Variants in DENND2A observed in about 807,000 individuals in gnomAD.
DENND2A encodes the protein DENN domain containing 2A.
DENND2A carries 53 observed loss-of-function variants against 105.3 expected under a neutral mutation model. The observed-to-expected ratio is 0.50, with a 90% CI of 0.40 to 0.63. The LOEUF (loss-of-function observed/expected upper bound fraction) is 0.63. Among genes scored for constraint, DENND2A ranks in the 30% least tolerant of loss-of-function variants. DENND2A has a pLI of 0.00. For missense variants in DENND2A, 1,138 were observed against 1,279.6 expected (o/e 0.89, Z 1.69); for synonymous variants, 522 against 508.4 (o/e 1.03, Z -0.36).
At chr7:140,535,754 G>A (rs1270069807) in intron 14 of DENND2A, among the ~76,000 whole-genome samples, 3 of 151,824 alleles carry the variant, frequency 2.0e-5, no homozygotes, top group African/African-American at 7.3e-5. Context: ...GCTAATTTTT[G>A]TATTTTTAGT....
At chr7:140,621,124 G>A (rs1800274900) in intron 1 of DENND2A, among the ~76,000 whole-genome samples, 1 of 152,130 alleles carries the variant, frequency 6.6e-6, no homozygotes. Context: ...AACCTCCTAG[G>A]CTCAAGTGAT....
At chr7:140,564,222 T>G (rs668402) in intron 9 of DENND2A, among the ~76,000 whole-genome samples, 79,549 of 150,604 alleles carry the variant, frequency 0.53, 23,825 homozygotes, top group African/African-American at 0.82. Flanking sequence ...GGTGGAGGCT[T>G]CAGTGAGCCA....
At chr7:140,550,522 T>C (rs999950171) in intron 12 of DENND2A, among the ~76,000 whole-genome samples, 2 of 152,196 alleles carry the variant, frequency 1.3e-5, no homozygotes, top group Non-Finnish European at 2.9e-5. Context: ...GGTTTCACCA[T>C]GTTTGCCAGG....
At chr7:140,572,425 C>T (rs1305037230) in intron 6 of DENND2A, among the ~76,000 whole-genome samples, 3 of 151,938 alleles carry the variant, frequency 2.0e-5, no homozygotes, top group Non-Finnish European at 4.4e-5. Context: ...GTTTCATGAC[C>T]CCCTAAAGCC....
At chr7:140,535,045 T>G (rs1796410659) in intron 14 of DENND2A, among the ~76,000 whole-genome samples, 1 of 152,182 alleles carries the variant, frequency 6.6e-6, no homozygotes, top group Non-Finnish European at 1.5e-5. Flanking sequence ...TTTTTAGTTC[T>G]GGTTGCTACC....
At chr7:140,528,427 A>C (rs1258870796) in intron 14 of DENND2A, among the ~76,000 whole-genome samples, 1 of 152,154 alleles carries the variant, frequency 6.6e-6, no homozygotes, top group African/African-American at 2.4e-5. Flanking sequence ...TGAAGCTCAT[A>C]TACAGTTGAG....
At chr7:140,628,530 T>A (rs1212528514) in intron 1 of DENND2A, among the ~76,000 whole-genome samples, 1 of 148,780 alleles carries the variant, frequency 6.7e-6, no homozygotes, top group African/African-American at 2.5e-5. Flanking sequence ...GGCCTAAAAT[T>A]TCTTTCTTTT....
intron 6 of DENND2A, among the ~76,000 whole-genome samples, chr7:140,572,751 CAAAAAAAAA>C (rs59174097): frequency 5.1e-5 from 3 of 58,876 alleles, no homozygotes; most frequent in Admixed American, 1.7e-4. Context: ...GAAACTCTGT[CAAAAAAAAA>C]AAAAAAAAAA....
intron 3 of DENND2A, among the ~76,000 whole-genome samples, 194 bp from the exon 4 acceptor site, chr7:140,587,974 C>G (rs985918223): frequency 6.6e-6 from 1 of 152,150 alleles, no homozygotes; most frequent in African/African-American, 2.4e-5. Flanking sequence ...GCAGCGGCGC[C>G]ATCTTGGCTC....
intron 1 of DENND2A, among the ~76,000 whole-genome samples, chr7:140,615,426 C>T (rs1010080465): frequency 6.6e-6 from 1 of 152,172 alleles, no homozygotes; most frequent in African/African-American, 2.4e-5. Context: ...TGCACAAAAG[C>T]ACCGCACATC....
At chr7:140,629,987 A>G (rs1475918312) in intron 1 of DENND2A, among the ~76,000 whole-genome samples, 2 of 151,250 alleles carry the variant, frequency 1.3e-5, no homozygotes, top group Admixed American at 6.6e-5. Context: ...CCTCCCGAGT[A>G]GCTGGGATTA....
chr7:140,538,844 G>A (rs1473998924), intron 14 of DENND2A, among the ~76,000 whole-genome samples: 1 of 151,628 alleles, frequency 6.6e-6, no homozygotes, highest in African/African-American at 2.4e-5. Context: ...TTTTTTTTGA[G>A]ACAGAGTCTC....
At chr7:140,567,662 C>T (rs958891798) in intron 8 of DENND2A, among the ~76,000 whole-genome samples, 2 of 152,116 alleles carry the variant, frequency 1.3e-5, no homozygotes, top group Non-Finnish European at 2.9e-5. Flanking sequence ...GTGACTCCTC[C>T]CCTCACCCAT....
chr7:140,568,033 C>T (rs957258978), intron 8 of DENND2A, among the ~76,000 whole-genome samples: 5 of 152,130 alleles, frequency 3.3e-5, no homozygotes, highest in Non-Finnish European at 5.9e-5. Context: ...CTCCGCCTCC[C>T]GGGTTCAAGT....
chr7:140,522,135 G>A (rs866737321), intron 17 of DENND2A, 35 bp from the exon 18 acceptor site: 1 of 1,611,164 alleles, frequency 6.2e-7, no homozygotes, highest in Non-Finnish European at 8.5e-7. Context: ...GAACGGTGAG[G>A]GCAGACAGGC....
intron 6 of DENND2A, among the ~76,000 whole-genome samples, chr7:140,571,628 C>A (rs1476447117): frequency 6.6e-6 from 1 of 151,878 alleles, no homozygotes; most frequent in Non-Finnish European, 1.5e-5. Context: ...TTGAAACACT[C>A]CAACTTTCTA....
intron 3 of DENND2A, among the ~76,000 whole-genome samples, chr7:140,589,553 C>T (rs987481139): frequency 2.0e-5 from 3 of 152,198 alleles, no homozygotes; most frequent in African/African-American, 4.8e-5. Flanking sequence ...AGAATTACAG[C>T]ACGACCCTGG....
chr7:140,557,038 G>T (rs1430129482), intron 11 of DENND2A, among the ~76,000 whole-genome samples: 1 of 151,822 alleles, frequency 6.6e-6, no homozygotes, highest in Admixed American at 6.6e-5. Context: ...GGTCTGTTTG[G>T]CATGTTTTAT....
rs748083878 is a variant in DENND2A at position 140,518,784 on chromosome 7, G to A, written c.2999-46C>T. ...AACATTTCACAAGGCAGACAAAGGA[G>A]GGTGAGATAAATCTTGCCCTTTCCA... On this transcript the variant is annotated intron_variant, in intron 19 of 19. Transcript: ENST00000496613. 3 of 1,600,610 alleles carry A rather than the reference G, an allele frequency of 1.9e-6. No individual in the cohort carries two copies. The South Asian group carries it at 3.3e-5, about 18-fold the overall frequency.
Sources: allele counts gnomAD v4.1 joint callset (sites outside exome capture counted in the v4.1 genomes callset), GRCh38; gene constraint gnomAD v4.1.1; transcripts MANE v1.5; gene names NCBI Gene and HGNC (gene_info 2026-07-23, HGNC 2026-07-21).